The following SLC27A2 variants were observed in gnomAD, a reference collection of about 807,000 sequenced individuals.
SLC27A2 encodes long-chain fatty acid transport protein 2.
In SLC27A2, 54 loss-of-function variants were observed where a neutral mutation model predicts 60.0. The observed-to-expected ratio is 0.90, with a 90% CI of 0.72 to 1.13. SLC27A2 has a LOEUF of 1.13. SLC27A2 is among the 50% of genes most tolerant of loss of function. SLC27A2 has a pLI of 0.00. For missense variants in SLC27A2, 739 were observed against 777.6 expected, an observed-to-expected ratio of 0.95 and a Z score of 0.59; for synonymous variants, 297 against 297.6, an observed-to-expected ratio of 1.00 and a Z score of 0.02.
rs1335525817 is a variant in SLC27A2, at chr15:50,182,704, C to G, written c.277C>G (p.Arg93Gly). The change falls in exon 1 of 10, where the codon CGG becomes GGG. Residue 93 changes from arginine to glycine, a missense_variant. Arg to Gly is a moderately radical substitution (Grantham distance 125). Coordinates refer to ENST00000267842, the MANE Select transcript of SLC27A2 (RefSeq NM_003645.4). ...GGACCGGCGCAGCAATCAAGTGGCC[C>G]GGGCGCTGCACGACCACCTCGGCCT... ...QVDRRSNQVA[R>G]ALHDHLGLRQ... 1.2e-6 allele frequency: 2 copies of G among 1,613,812 alleles called. No homozygotes were observed. Among genetic ancestry groups the G allele is most frequent in the Admixed American group, 1.7e-5 (1 of 60,018 alleles).
At position 50,236,070 on chromosome 15, in the gene SLC27A2, A is replaced by C. The variant is rs569117040; in HGVS notation, c.1837A>C (p.Ile613Leu). 3 of 1,610,514 alleles carry C rather than the reference A, an allele frequency of 1.9e-6. No homozygotes were observed. Among genetic ancestry groups the C allele is most frequent in the South Asian group, 2.2e-5 (2 of 90,466 alleles). Residue 613 changes from isoleucine (I) to leucine (L), a missense_variant, in exon 10 of 10, where the codon ATA becomes CTA. Coordinates refer to ENST00000267842, the MANE Select transcript of SLC27A2 (RefSeq NM_003645.4). ...TATGACTGAGGACATCTATAATGCC[A>C]TAAGTGCTAAAACCCTGAAACTCTG... Reference protein sequence around the residue: ...VPMTEDIYNAISAKTLKL With the variant: ...VPMTEDIYNALSAKTLKL
At chr15:50,214,484 C>A (rs1022278203) in intron 4 of SLC27A2, among the ~76,000 whole-genome samples, 3 of 151,984 alleles carry the variant, frequency 2.0e-5, no homozygotes, top group African/African-American at 7.2e-5. Flanking sequence ...CCAGAATCAC[C>A]CTAATACCAA....
intron 8 of SLC27A2, among the ~76,000 whole-genome samples, chr15:50,230,265 G>A (rs940955171): frequency 6.7e-5 from 10 of 148,254 alleles, no homozygotes; most frequent in South Asian, 4.3e-4. Flanking sequence ...AATTAAGTCC[G>A]GACACTGTGG....
intron 1 of SLC27A2, among the ~76,000 whole-genome samples, chr15:50,190,343 A>C (rs906308237): frequency 2.0e-5 from 3 of 152,242 alleles, no homozygotes; most frequent in African/African-American, 7.2e-5. Context: ...TTTCATGATC[A>C]GAGTACATTT....
intron 4 of SLC27A2, among the ~76,000 whole-genome samples, chr15:50,221,708 C>G (rs535079897): frequency 3.2e-4 from 49 of 152,314 alleles, no homozygotes; most frequent in African/African-American, 1.1e-3. Flanking sequence ...TGTGAGAGGA[C>G]AGCCCTAATG....
intron 4 of SLC27A2, among the ~76,000 whole-genome samples, chr15:50,216,123 A>T (rs1420326092): frequency 1.3e-5 from 2 of 152,212 alleles, no homozygotes; most frequent in Admixed American, 6.5e-5. Flanking sequence ...AGAAAAACAA[A>T]CAATCCCATC....
chr15:50,197,127 C>T (rs543675495), intron 1 of SLC27A2, among the ~76,000 whole-genome samples: 1 of 151,856 alleles, frequency 6.6e-6, no homozygotes, highest in South Asian at 2.1e-4. Flanking sequence ...GCTTGTGAAA[C>T]CATCAAAACC....
rs762705881 is a variant in SLC27A2, at chr15:50,202,579, T to C, written c.781T>C (p.Tyr261His). ...CGGATTGAAGGCAGATGATGTCATC[T>C]ATATCACTCTGCCCTTTTACCACAG... The part of the protein sequence containing the change: ...VSGLKADDVI[Y>H]ITLPFYHSAA... Residue 261 changes from tyrosine (Y) to histidine (H), a missense_variant, in exon 3 of 10, where the codon TAT becomes CAT. Tyr to His is a moderately conservative substitution (Grantham distance 83). Transcript: ENST00000267842. 14 of 1,614,078 alleles carry C rather than the reference T, an allele frequency of 8.7e-6. No individual in the cohort carries two copies. Among genetic ancestry groups the C allele is most frequent in the Non-Finnish European group, 1.2e-5 (14 of 1,180,016 alleles).
At chr15:50,232,819 G>A (rs1023460848) in intron 8 of SLC27A2, among the ~76,000 whole-genome samples, 2 of 152,122 alleles carry the variant, frequency 1.3e-5, no homozygotes, top group Admixed American at 1.3e-4. Context: ...ACCAAATGAG[G>A]GGGCATCTTT....
At chr15:50,209,964 A>G (rs1436019181) in intron 4 of SLC27A2, among the ~76,000 whole-genome samples, 1 of 152,208 alleles carries the variant, frequency 6.6e-6, no homozygotes, top group Non-Finnish European at 1.5e-5. Flanking sequence ...TAGTAGGCTG[A>G]GAAGGGTGAA....
intron 1 of SLC27A2, 116 bp from the exon 2 acceptor site, chr15:50,197,384 C>A: frequency 1.5e-6 from 1 of 673,286 alleles, no homozygotes; most frequent in South Asian, 2.0e-5. Flanking sequence ...TTTGTCATGC[C>A]CACACATTTA....
Position 50,182,604 on chromosome 15 carries a change from C to A in SLC27A2, c.177C>A (p.Phe59Leu), listed in dbSNP as rs141946591. The change falls in exon 1 of 10, where the codon TTC becomes TTA. Residue 59 changes from phenylalanine (F) to leucine (L), a missense_variant. Coordinates refer to ENST00000267842, the MANE Select transcript of SLC27A2 (RefSeq NM_003645.4). ...RRPARTILRAFLEKARQTPHK... is the reference protein window; with the variant it reads ...RRPARTILRALLEKARQTPHK... ...CGGCGCGCACCATCCTGCGGGCGTT[C>A]CTGGAGAAAGCGCGCCAGACGCCAC... 2.5e-6 allele frequency: 4 copies of A among 1,613,602 alleles called. No homozygotes were observed. The African/African-American group carries it at 5.3e-5, about 22-fold the overall frequency.
intron 8 of SLC27A2, among the ~76,000 whole-genome samples, chr15:50,231,407 T>G (rs2045316062): frequency 6.6e-6 from 1 of 152,124 alleles, no homozygotes; most frequent in South Asian, 2.1e-4. Flanking sequence ...GACCTTGGCC[T>G]CCCAAAGTGC....
chr15:50,201,417 C>T (rs1158247238), intron 2 of SLC27A2, among the ~76,000 whole-genome samples: 1 of 151,954 alleles, frequency 6.6e-6, no homozygotes, highest in Non-Finnish European at 1.5e-5. Context: ...TTATAATACA[C>T]TTATAAAAGG....
At chr15:50,202,232 T>C (rs1292526733) in intron 2 of SLC27A2, among the ~76,000 whole-genome samples, 1 of 152,222 alleles carries the variant, frequency 6.6e-6, no homozygotes, top group Non-Finnish European at 1.5e-5. Flanking sequence ...CATTTATGTA[T>C]GTGTATGGCT....
chr15:50,189,055 A>ATACATACG (rs2044952269), intron 1 of SLC27A2, among the ~76,000 whole-genome samples: 1 of 151,972 alleles, frequency 6.6e-6, no homozygotes, highest in Non-Finnish European at 1.5e-5. Context: ...ACATACATAC[A>ATACATACG]TACATAATGG....
chr15:50,188,982 A>AATAAATAG (rs2044949559), intron 1 of SLC27A2, among the ~76,000 whole-genome samples: 1 of 135,422 alleles, frequency 7.4e-6, no homozygotes, highest in Non-Finnish European at 1.6e-5. Context: ...TAGATAGATA[A>AATAAATAG]ATAGATAGAT....
intron 4 of SLC27A2, among the ~76,000 whole-genome samples, chr15:50,218,291 G>A (rs941642128): frequency 2.0e-5 from 3 of 152,054 alleles, no homozygotes; most frequent in African/African-American, 7.2e-5. Context: ...AAGATAAATT[G>A]ATGGTCATAA....
intron 8 of SLC27A2, among the ~76,000 whole-genome samples, chr15:50,231,989 G>A (rs909883831): frequency 6.6e-6 from 1 of 152,208 alleles, no homozygotes; most frequent in Non-Finnish European, 1.5e-5. Flanking sequence ...GAGAACTCTT[G>A]CAGCAGTGAA....
Sources: allele counts gnomAD v4.1 joint callset (sites outside exome capture counted in the v4.1 genomes callset), GRCh38; gene constraint gnomAD v4.1.1; transcripts MANE v1.5; gene names NCBI Gene and HGNC (gene_info 2026-07-23, HGNC 2026-07-21).